SLC5A8: variants seen among roughly 807,000 people sequenced by gnomAD.
The protein encoded by SLC5A8 is sodium-coupled monocarboxylate transporter 1.
In SLC5A8, 55 loss-of-function variants were observed where a neutral mutation model predicts 71.9. The observed-to-expected ratio is 0.77, with a 90% CI of 0.62 to 0.96. The LOEUF (loss-of-function observed/expected upper bound fraction) is 0.96, where lower values mean the gene tolerates loss of function less well. Ranked by LOEUF, SLC5A8 falls within the 40% of genes least tolerant of loss-of-function variation. SLC5A8 has a pLI of 0.00. For synonymous variants in SLC5A8, 307 were observed against 276.1 expected (o/e 1.11, Z -1.11); for missense variants, 701 against 745.3 (o/e 0.94, Z 0.69).
chr12:101,163,512 C>A (rs987586167), intron 12 of SLC5A8, among the ~76,000 whole-genome samples: 7 of 152,092 alleles, frequency 4.6e-5, no homozygotes, highest in Admixed American at 2.0e-4. Flanking sequence ...AACCCCATCT[C>A]TACTAAAGAT....
At chr12:101,167,447 C>T (rs1176321435) in intron 11 of SLC5A8, among the ~76,000 whole-genome samples, 2 of 152,208 alleles carry the variant, frequency 1.3e-5, no homozygotes, top group South Asian at 2.1e-4. Flanking sequence ...TTTTCCTGAA[C>T]TACATCTTAT....
rs1420196894 is a variant in SLC5A8 at position 101,155,967 on chromosome 12, T to C, written c.*1312A>G. 1.3e-5 allele frequency: 2 copies of C among 152,024 alleles called. No individual in the cohort carries two copies. The highest frequency in any genetic ancestry group is 4.8e-5 in the African/African-American group (2 of 41,404). 9.4% of individuals were successfully genotyped at this position (152,024 alleles called of 1,614,324 possible). A position where few individuals can be genotyped will look rare whatever the true frequency, so the allele number is the denominator to read the frequency against. ...TTATGTTTCTAAAAAAAATTGAGTT[T>C]AAAAAAGAACTTTTAAACAGTATCT... On this transcript the variant is annotated 3_prime_UTR_variant, in exon 15 of 15. Coordinates refer to ENST00000536262, the MANE Select transcript of SLC5A8 (RefSeq NM_145913.5).
rs1310087557 is a variant in SLC5A8, at chr12:101,156,437, G to C, written c.*842C>G. The C allele has an allele frequency of 8.5e-5, 13 of 152,198 alleles. No individual in the cohort carries two copies. Among genetic ancestry groups the C allele is most frequent in the Admixed American group, 8.5e-4 (13 of 15,266 alleles). 9.4% of individuals were successfully genotyped at this position (152,198 alleles called of 1,614,324 possible). A position where few individuals can be genotyped will look rare whatever the true frequency, so the allele number is the denominator to read the frequency against. ...TCTGGGACTTGATAAGCCAGGATTT[G>C]GGGTGGCATGATTCACATGAGTGTC... On this transcript the variant is annotated 3_prime_UTR_variant, in exon 15 of 15. Coordinates refer to ENST00000536262, the MANE Select transcript of SLC5A8 (RefSeq NM_145913.5).
At position 101,166,497 on chromosome 12, in the gene SLC5A8, T is replaced by G; in HGVS notation, c.1523A>C (p.Gln508Pro). Residue 508 changes from glutamine (Q) to proline (P), a missense_variant, in exon 12 of 15, where the codon CAA becomes CCA. Transcript: ENST00000536262. ...GTAATAAAACTTAATTCAATACCTT[T>G]GAACATTGTATATTTGAAAAACACT... ...TTSVFQIYNV[Q>P]RTPLMDNWYS... 1 of 1,612,392 alleles carries G rather than the reference T, an allele frequency of 6.2e-7. No homozygotes were observed. Among genetic ancestry groups the G allele is most frequent in the African/African-American group, 1.3e-5 (1 of 75,012 alleles).
At chr12:101,194,824 T>G (rs1869091101) in intron 4 of SLC5A8, among the ~76,000 whole-genome samples, 1 of 152,110 alleles carries the variant, frequency 6.6e-6, no homozygotes, top group Non-Finnish European at 1.5e-5. Flanking sequence ...ACAAATATAA[T>G]AACTTGGCAA....
rs373685727 is a variant in SLC5A8, at chr12:101,190,451, C to T, written c.833+17G>A. 2.5e-6 allele frequency: 4 copies of T among 1,608,422 alleles called. No homozygotes were observed. Among genetic ancestry groups the T allele is most frequent in the South Asian group, 1.1e-5 (1 of 90,092 alleles). On this transcript the variant is annotated intron_variant, in intron 6 of 14. Coordinates refer to ENST00000536262, the MANE Select transcript of SLC5A8 (RefSeq NM_145913.5). The stretch of plus-strand genomic sequence containing the variant: ...TGATGGTTATTAATGATTCATATAC[C>T]ATGGTGTGTGACTTACAGTTTTGCC...
At position 101,182,925 on chromosome 12, in the gene SLC5A8, A is replaced by G; in HGVS notation, c.1053-10T>C. 1.4e-6 allele frequency: 2 copies of G among 1,459,924 alleles called. No homozygotes were observed. The allele number at this position is 1,459,924 out of a possible 1,614,324, so 90.4% of individuals were successfully genotyped here. ...ACTGGAGGACACTGTGCTGTAAGGGAAAATAAAACTTTTGATTTATAATAT... is the reference window on the plus strand; with the variant it reads ...ACTGGAGGACACTGTGCTGTAAGGGGAAATAAAACTTTTGATTTATAATAT... On this transcript the variant is annotated splice_polypyrimidine_tract_variant and intron_variant, in intron 8 of 14. Coordinates refer to ENST00000536262, the MANE Select transcript of SLC5A8 (RefSeq NM_145913.5).
chr12:101,157,164 C>A lies in SLC5A8; in HGVS notation c.*115G>T. 4 of 1,240,984 alleles carry A rather than the reference C, an allele frequency of 3.2e-6. No homozygotes were observed. The highest frequency in any genetic ancestry group is 2.5e-5 in the Admixed American group (1 of 39,992). 76.9% of individuals were successfully genotyped at this position (1,240,984 alleles called of 1,614,324 possible). ...GACTTTGTTTTAACAAAAACTTATC[C>A]CCCAAACACTCATGATACAACACAC... is the stretch of plus-strand genomic sequence containing the variant. On this transcript the variant is annotated 3_prime_UTR_variant, in exon 15 of 15. Transcript: ENST00000536262.
At chr12:101,157,524 G>A in intron 14 of SLC5A8, 123 bp from the exon 15 acceptor site, 1 of 1,200,510 alleles carries the variant, frequency 8.3e-7, no homozygotes, top group Non-Finnish European at 1.1e-6. Context: ...TACTGAGGGA[G>A]AGAAATATAT....
Position 101,180,076 on chromosome 12 carries a change from A to G in SLC5A8, c.1186T>C (p.Cys396Arg), listed in dbSNP as rs199646960. 2.7e-5 allele frequency: 43 copies of G among 1,613,940 alleles called. No homozygotes were observed. In the South Asian group the frequency reaches 2.9e-4, roughly 11 times the overall value. ...GACGCCAGCGCAGCCATTCCAATAC[A>G]CAGGGCTCCATACACCACACCTAAA... ...QGMSVVYGAL[C>R]IGMAALASLM... is the part of the protein sequence containing the mutation. Residue 396 changes from cysteine (C) to arginine (R), a missense_variant, in exon 10 of 15, where the codon TGT becomes CGT. By Grantham distance (180) the Cys-to-Arg change is radical (BLOSUM62 -3). Transcript: ENST00000536262.
intron 10 of SLC5A8, among the ~76,000 whole-genome samples, chr12:101,174,988 A>G (rs2137135289): frequency 6.6e-6 from 1 of 152,352 alleles, no homozygotes; most frequent in South Asian, 2.1e-4. Flanking sequence ...GAATTATTTG[A>G]TAAAAAATTT....
intron 1 of SLC5A8, among the ~76,000 whole-genome samples, chr12:101,206,858 GGTCTGGAA>G (rs1393347907): frequency 6.6e-6 from 1 of 152,058 alleles, no homozygotes; most frequent in Non-Finnish European, 1.5e-5. Context: ...ATTATACTTG[GGTCTGGAA>G]GTTGCTAAAC....
chr12:101,202,781 C>A (rs1869515164), intron 2 of SLC5A8, among the ~76,000 whole-genome samples: 1 of 152,072 alleles, frequency 6.6e-6, no homozygotes, highest in Non-Finnish European at 1.5e-5. Flanking sequence ...ATACACTTAA[C>A]TATTTATTGA....
intron 11 of SLC5A8, among the ~76,000 whole-genome samples, chr12:101,167,641 G>C (rs988822127): frequency 6.6e-6 from 1 of 152,174 alleles, no homozygotes; most frequent in African/African-American, 2.4e-5. Flanking sequence ...CATGTTGTGG[G>C]AGCTACAGCT....
chr12:101,209,927 T>G lies in SLC5A8; in HGVS notation c.-79A>C. 7.7e-7 allele frequency: 1 copy of G among 1,301,220 alleles called. No homozygotes were observed. Among genetic ancestry groups the G allele is most frequent in the Non-Finnish European group, 1.0e-6 (1 of 983,030 alleles). 80.6% of individuals were successfully genotyped at this position (1,301,220 alleles called of 1,614,324 possible). On this transcript the variant is annotated 5_prime_UTR_variant, in exon 1 of 15. Transcript: ENST00000536262. ...GCCGGAGCCCGGCGCGCACTTCTTA[T>G]CCCGGATCCCTGGCGCGCAGGCGTG...
At chr12:101,158,543 A>C (rs1056512432) in intron 13 of SLC5A8, among the ~76,000 whole-genome samples, 5 of 97,106 alleles carry the variant, frequency 5.1e-5, no homozygotes, top group African/African-American at 1.7e-4. Context: ...CACTATAATA[A>C]ATATGAGTCT....
chr12:101,175,819 G>A (rs1291237454), intron 10 of SLC5A8, among the ~76,000 whole-genome samples: 1 of 152,016 alleles, frequency 6.6e-6, no homozygotes, highest in Non-Finnish European at 1.5e-5. Context: ...GGATAAAGGG[G>A]AAACTCAAGA....
chr12:101,186,775 A>G (rs1868662359), intron 7 of SLC5A8, among the ~76,000 whole-genome samples: 2 of 152,318 alleles, frequency 1.3e-5, no homozygotes, highest in Non-Finnish European at 2.9e-5. Flanking sequence ...CATGGTGGGT[A>G]TTTGATAACT....
intron 11 of SLC5A8, among the ~76,000 whole-genome samples, 194 bp downstream of exon 11, chr12:101,167,902 A>C (rs1167129262): frequency 6.6e-6 from 1 of 152,174 alleles, no homozygotes; most frequent in Non-Finnish European, 1.5e-5. Context: ...GGAAGTTTCC[A>C]TTGAGCTTCA....
Sources: allele counts gnomAD v4.1 joint callset (sites outside exome capture counted in the v4.1 genomes callset), GRCh38; gene constraint gnomAD v4.1.1; transcripts MANE v1.5; gene names NCBI Gene and HGNC (gene_info 2026-07-23, HGNC 2026-07-21).